The following KALRN variants were observed in gnomAD, a reference collection of about 807,000 sequenced individuals.
The protein encoded by KALRN is kalirin.
In KALRN, 70 loss-of-function variants were observed where a neutral mutation model predicts 353.7. That is an observed-to-expected ratio of 0.20 (90% CI 0.16 to 0.24). The LOEUF is 0.24. KALRN is among the 10% of genes least tolerant of loss of function. The pLI, the probability that KALRN is intolerant of heterozygous loss-of-function variation, is 1.00. For synonymous variants in KALRN, 1,391 were observed against 1,434.8 expected (o/e 0.97, Z 0.69); for missense variants, 2,791 against 3,756.7 (o/e 0.74, Z 6.72).
chr3:124,490,516 A>G (rs999434261), intron 29 of KALRN, among the ~76,000 whole-genome samples, 178 bp from the exon 30 acceptor site: 1 of 152,090 alleles, frequency 6.6e-6, no homozygotes, highest in Non-Finnish European at 1.5e-5. Context: ...TCTAATTGCA[A>G]TTCTCAGAGA....
chr3:124,697,805 T>C lies in KALRN; in HGVS notation c.7831+81T>C, dbSNP rs530904187. 1,615 of 1,321,738 alleles carry C rather than the reference T, an allele frequency of 1.2e-3. 7 individuals are homozygous for C. Among genetic ancestry groups the C allele is most frequent in the Admixed American group, 1.5e-3 (50 of 32,348 alleles). 81.9% of individuals were successfully genotyped at this position (1,321,738 alleles called of 1,614,324 possible). A position where few individuals can be genotyped will look rare whatever the true frequency, so the allele number is the denominator to read the frequency against. On this transcript the variant is annotated intron_variant, in intron 55 of 59. Transcript: ENST00000682506. ...TAAAATTGCAGTAAAACACACATAA[T>C]AAAATTTACCATGCTAACCATTTTT...
intron 34 of KALRN, among the ~76,000 whole-genome samples, chr3:124,576,597 A>C (rs1399424276): frequency 6.6e-6 from 1 of 152,162 alleles, no homozygotes; most frequent in Non-Finnish European, 1.5e-5. Flanking sequence ...TGAGCAGGTC[A>C]TTATCCACAT....
intron 1 of KALRN, among the ~76,000 whole-genome samples, chr3:124,224,648 G>A (rs1046310971): frequency 1.3e-5 from 2 of 152,150 alleles, no homozygotes; most frequent in African/African-American, 4.8e-5. Flanking sequence ...CTGCAAAATG[G>A]GGTGATCTGC....
At chr3:124,596,451 G>C (rs2076273423) in intron 34 of KALRN, among the ~76,000 whole-genome samples, 1 of 152,100 alleles carries the variant, frequency 6.6e-6, no homozygotes, top group Non-Finnish European at 1.5e-5. Flanking sequence ...TGGGGGACAA[G>C]AGCAAGACTC....
rs2087970967 is a variant in KALRN, at chr3:124,384,907, A to G, written c.1833A>G (p.Glu611=). The change falls in exon 11 of 60, where the codon GAA becomes GAG. Residue 611 remains glutamate, a synonymous_variant. Transcript: ENST00000682506. ...CAGAGCAGTTGGCTCAGACGGGGGA[A>G]TGTGACCCCGAGGAGATCTACAAGG... ...EAAEQLAQTG[E]CDPEEIYKAA... The G allele has an allele frequency of 6.2e-7, 1 of 1,613,308 alleles. No individual in the cohort carries two copies. Among genetic ancestry groups the G allele is most frequent in the Non-Finnish European group, 8.5e-7 (1 of 1,179,670 alleles).
At chr3:124,186,208 G>T (rs1011157880) in intron 1 of KALRN, among the ~76,000 whole-genome samples, 8 of 152,192 alleles carry the variant, frequency 5.3e-5, no homozygotes, top group Non-Finnish European at 8.8e-5. Flanking sequence ...GAATAATGCA[G>T]CCTCAGAAGG....
intron 34 of KALRN, among the ~76,000 whole-genome samples, chr3:124,624,831 C>G (rs559990479): frequency 5.3e-5 from 8 of 152,298 alleles, no homozygotes; most frequent in Middle Eastern, 3.4e-3. Context: ...AGGCATTGGT[C>G]TTAGGAGTGG....
intron 34 of KALRN, among the ~76,000 whole-genome samples, chr3:124,570,563 T>C (rs964660866): frequency 6.6e-6 from 1 of 152,216 alleles, no homozygotes; most frequent in Non-Finnish European, 1.5e-5. Flanking sequence ...TATGGTGTTT[T>C]TAAAAATTAT....
At chr3:124,671,142 G>T (rs1205189322) in intron 47 of KALRN, among the ~76,000 whole-genome samples, 1 of 152,150 alleles carries the variant, frequency 6.6e-6, no homozygotes, top group East Asian at 1.9e-4. Context: ...GCTCTCTGAT[G>T]ATAGAATCTC....
At chr3:124,512,569 G>A (rs2066046500) in intron 33 of KALRN, among the ~76,000 whole-genome samples, 1 of 151,948 alleles carries the variant, frequency 6.6e-6, no homozygotes, top group African/African-American at 2.4e-5. Flanking sequence ...TAGAATTGCT[G>A]GAACCACAGA....
chr3:124,280,285 C>G (rs902038109), intron 5 of KALRN, among the ~76,000 whole-genome samples: 7 of 152,130 alleles, frequency 4.6e-5, no homozygotes, highest in African/African-American at 1.7e-4. Flanking sequence ...GTTCTGTAGC[C>G]CCAGTTGTTA....
At chr3:124,152,847 C>T (rs1415702418) in intron 1 of KALRN, 2 of 217,796 alleles carry the variant, frequency 9.2e-6, no homozygotes, top group South Asian at 9.2e-5. Context: ...GAACTCCTGA[C>T]CTCGTGATCC....
At chr3:124,537,468 G>A (rs1231578647) in intron 33 of KALRN, among the ~76,000 whole-genome samples, 1 of 152,188 alleles carries the variant, frequency 6.6e-6, no homozygotes, top group African/African-American at 2.4e-5. Context: ...AGAGTGAAAA[G>A]GTAGGGAGAT....
intron 33 of KALRN, among the ~76,000 whole-genome samples, chr3:124,557,994 G>A (rs970803873): frequency 4.6e-5 from 7 of 152,144 alleles, no homozygotes; most frequent in Middle Eastern, 3.4e-3. Context: ...GGGATTCCTC[G>A]GTCCCACCAT....
intron 27 of KALRN, among the ~76,000 whole-genome samples, chr3:124,478,161 G>GA (rs1354709519): frequency 6.6e-6 from 1 of 152,112 alleles, no homozygotes; most frequent in African/African-American, 2.4e-5. Flanking sequence ...TGAAATTGGG[G>GA]AAAAAGAAAA....
At chr3:124,246,372 C>T in intron 3 of KALRN, among the ~76,000 whole-genome samples, 1 of 152,240 alleles carries the variant, frequency 6.6e-6, no homozygotes, top group East Asian at 1.9e-4. Context: ...GGCAAGGATT[C>T]CTTTTACTTT....
intron 1 of KALRN, among the ~76,000 whole-genome samples, chr3:124,139,169 T>A (rs1009162559): frequency 3.3e-5 from 5 of 152,096 alleles, no homozygotes. Flanking sequence ...ACATGGTCCT[T>A]TGTGAGAACC....
intron 17 of KALRN, among the ~76,000 whole-genome samples, chr3:124,437,068 G>A (rs1486938319): frequency 6.6e-6 from 1 of 151,446 alleles, no homozygotes; most frequent in Non-Finnish European, 1.5e-5. Context: ...CTCATGTGAT[G>A]CTAGAGATGG....
At chr3:124,164,991 C>T (rs1386945710) in intron 1 of KALRN, among the ~76,000 whole-genome samples, 1 of 152,184 alleles carries the variant, frequency 6.6e-6, no homozygotes, top group Non-Finnish European at 1.5e-5. Flanking sequence ...TCTGCAGTAT[C>T]CTTCTGGCTA....
Sources: allele counts gnomAD v4.1 joint callset (sites outside exome capture counted in the v4.1 genomes callset), GRCh38; gene constraint gnomAD v4.1.1; transcripts MANE v1.5; gene names NCBI Gene and HGNC (gene_info 2026-07-23, HGNC 2026-07-21).